The following TPST1 variants were observed in gnomAD, a reference collection of about 807,000 sequenced individuals.
TPST1 encodes the protein tyrosylprotein sulfotransferase 1, also known as protein-tyrosine sulfotransferase 1.
Under a neutral mutation model 34.8 loss-of-function variants are expected in TPST1, and 20 were observed. The ratio of observed to expected loss-of-function variants is 0.57; its 90% CI spans 0.40 to 0.84. The LOEUF (loss-of-function observed/expected upper bound fraction) is 0.84, where lower values mean the gene tolerates loss of function less well. Among genes scored for constraint, TPST1 ranks in the 40% least tolerant of loss-of-function variants. The pLI is 0.00. For synonymous variants in TPST1, 152 were observed against 159.4 expected, an observed-to-expected ratio of 0.95 and a Z score of 0.35; for missense variants, 353 against 455.5, an observed-to-expected ratio of 0.78 and a Z score of 2.05.
chr7:66,312,086 A>G (rs939331077), intron 3 of TPST1, among the ~76,000 whole-genome samples: 2 of 152,224 alleles, frequency 1.3e-5, no homozygotes, highest in East Asian at 3.8e-4. Context: ...GGTTTTGTGT[A>G]CAAGCACAAA....
At chr7:66,221,046 T>G (rs932542034) in intron 1 of TPST1, among the ~76,000 whole-genome samples, 14 of 151,940 alleles carry the variant, frequency 9.2e-5, no homozygotes, top group African/African-American at 3.1e-4. Context: ...GGCAGGAGAA[T>G]TGCTTGAACC....
intron 2 of TPST1, among the ~76,000 whole-genome samples, chr7:66,284,441 A>G (rs1052323335): frequency 6.9e-6 from 1 of 144,512 alleles, no homozygotes; most frequent in Non-Finnish European, 1.6e-5. Flanking sequence ...CATACTGTCT[A>G]TATTATTGAA....
chr7:66,321,228 T>A (rs1017332167), intron 3 of TPST1, among the ~76,000 whole-genome samples: 4 of 152,232 alleles, frequency 2.6e-5, no homozygotes, highest in African/African-American at 9.6e-5. Context: ...ACAGGACATG[T>A]TTCATTTCCC....
At chr7:66,323,055 T>C (rs1791789958) in intron 3 of TPST1, among the ~76,000 whole-genome samples, 1 of 152,234 alleles carries the variant, frequency 6.6e-6, no homozygotes, top group South Asian at 2.1e-4. Context: ...TGTCTATTTA[T>C]GTATCATCTT....
Position 66,355,902 on chromosome 7 carries a change from C to CAA in TPST1, c.1096-901_1096-900dup, listed in dbSNP as rs573200695. ...CCTGGGTGACAGAGCAAGACTCCATCAAAAAAAAAAAAAAAAAAAAAAAGG... is the reference window on the plus strand; with the variant it reads ...CCTGGGTGACAGAGCAAGACTCCATCAAAAAAAAAAAAAAAAAAAAAAAAAGG... On this transcript the variant is annotated intron_variant, in intron 4 of 5. Coordinates refer to ENST00000304842, the MANE Select transcript of TPST1 (RefSeq NM_003596.4). Among the ~76,000 whole-genome samples the CAA allele has an allele frequency of 1.9e-3, 109 of 56,850 alleles. 1 individual carries two copies. Among genetic ancestry groups the CAA allele is most frequent in the Middle Eastern group, 0.012 (1 of 86 alleles). 37.3% of individuals were successfully genotyped at this position (56,850 alleles called of 152,430 possible).
chr7:66,226,132 C>A, intron 1 of TPST1, among the ~76,000 whole-genome samples: 1 of 152,058 alleles, frequency 6.6e-6, no homozygotes, highest in Non-Finnish European at 1.5e-5. Flanking sequence ...CGTGATCCGC[C>A]CGCCTCAGCC....
intron 1 of TPST1, among the ~76,000 whole-genome samples, chr7:66,213,426 A>G (rs1299681028): frequency 6.6e-6 from 1 of 151,870 alleles, no homozygotes. Flanking sequence ...GAGATTTTCT[A>G]TTTTGTCATT....
At chr7:66,233,960 C>A (rs1375110238) in intron 1 of TPST1, among the ~76,000 whole-genome samples, 2 of 152,154 alleles carry the variant, frequency 1.3e-5, no homozygotes, top group African/African-American at 4.8e-5. Flanking sequence ...CTTCCAGATT[C>A]AAACAATTCT....
chr7:66,222,756 G>C (rs1789571097), intron 1 of TPST1, among the ~76,000 whole-genome samples: 1 of 152,068 alleles, frequency 6.6e-6, no homozygotes, highest in Non-Finnish European at 1.5e-5. Flanking sequence ...GGAGGTGAAG[G>C]TAAAGGTGGA....
chr7:66,301,424 T>TC (rs1248085435), intron 3 of TPST1, among the ~76,000 whole-genome samples: 1 of 152,226 alleles, frequency 6.6e-6, no homozygotes, highest in Admixed American at 6.5e-5. Context: ...TGAATTTACT[T>TC]CAAGAACTTT....
At chr7:66,269,319 C>G (rs958785345) in intron 2 of TPST1, among the ~76,000 whole-genome samples, 1 of 152,170 alleles carries the variant, frequency 6.6e-6, no homozygotes, top group Non-Finnish European at 1.5e-5. Context: ...GATTAGTTTT[C>G]TTATGCATGC....
chr7:66,327,994 C>CTTTT (rs1241420683), intron 3 of TPST1, among the ~76,000 whole-genome samples: 1 of 47,866 alleles, frequency 2.1e-5, no homozygotes, highest in Admixed American at 2.0e-4. Context: ...TTTTTTCTTT[C>CTTTT]TTTTTTTTTT....
At chr7:66,235,966 CT>C (rs1789904273) in intron 1 of TPST1, among the ~76,000 whole-genome samples, 1 of 151,984 alleles carries the variant, frequency 6.6e-6, no homozygotes, top group Non-Finnish European at 1.5e-5. Flanking sequence ...ATCTATCTGT[CT>C]GACTGAGACT....
intron 2 of TPST1, among the ~76,000 whole-genome samples, chr7:66,249,237 G>A (rs1790214911): frequency 6.6e-6 from 1 of 150,708 alleles, no homozygotes; most frequent in African/African-American, 2.4e-5. Flanking sequence ...GATTTAAAAT[G>A]TAAGCCTAGT....
chr7:66,235,179 C>T (rs1042722275), intron 1 of TPST1, among the ~76,000 whole-genome samples: 2 of 146,780 alleles, frequency 1.4e-5, no homozygotes, highest in African/African-American at 4.9e-5. Flanking sequence ...CAATGTTCTG[C>T]ATAGATTTTT....
chr7:66,241,389 C>T, intron 2 of TPST1, 119 bp downstream of exon 2: 1 of 1,227,844 alleles, frequency 8.1e-7, no homozygotes, highest in Non-Finnish European at 1.1e-6. Flanking sequence ...TATATAGAAA[C>T]TGAAGACCTT....
chr7:66,272,798 G>T (rs1420260810), intron 2 of TPST1, among the ~76,000 whole-genome samples: 1 of 151,944 alleles, frequency 6.6e-6, no homozygotes, highest in African/African-American at 2.4e-5. Flanking sequence ...TGTTGCCCAG[G>T]CTAGTCTTAA....
intron 2 of TPST1, among the ~76,000 whole-genome samples, chr7:66,272,245 C>T (rs1790718239): frequency 6.6e-6 from 1 of 152,154 alleles, no homozygotes; most frequent in African/African-American, 2.4e-5. Context: ...CAAAATTCAT[C>T]AGCACATTTA....
At chr7:66,268,919 G>T (rs1031847863) in intron 2 of TPST1, among the ~76,000 whole-genome samples, 1 of 152,168 alleles carries the variant, frequency 6.6e-6, no homozygotes, top group Non-Finnish European at 1.5e-5. Context: ...CTGACTTCAG[G>T]TGATCCGCCT....
Sources: gnomAD v4.1 joint callset for allele counts (sites outside exome capture counted in the v4.1 genomes callset) on GRCh38, gnomAD v4.1.1 for gene constraint, MANE v1.5 for transcripts, NCBI Gene and HGNC (gene_info 2026-07-23, HGNC 2026-07-21) for gene names.